The following RBPJ variants were observed in gnomAD, a reference collection of about 807,000 sequenced individuals.
RBPJ encodes recombining binding protein suppressor of hairless.
Under a neutral mutation model 67.8 loss-of-function variants are expected in RBPJ, and 9 were observed. That is an observed-to-expected ratio of 0.13 (90% CI 0.08 to 0.23). The LOEUF is 0.23. Ranked by LOEUF, RBPJ falls within the 10% of genes least tolerant of loss-of-function variation. The pLI is 1.00. For synonymous variants in RBPJ, 198 were observed against 203.3 expected (o/e 0.97, Z 0.22); for missense variants, 305 against 595.6 (o/e 0.51, Z 5.08).
chr4:26,309,406 C>T (rs367559145), intron 1 of RBPJ, among the ~76,000 whole-genome samples: 33 of 152,270 alleles, frequency 2.2e-4, no homozygotes, highest in East Asian at 9.6e-4. Context: ...CAAAACTGAA[C>T]ATGGGTATGG....
At chr4:26,330,646 C>T (rs902919206) in intron 1 of RBPJ, among the ~76,000 whole-genome samples, 2 of 152,310 alleles carry the variant, frequency 1.3e-5, no homozygotes, top group Non-Finnish European at 2.9e-5. Context: ...GTGAACAAAG[C>T]ACATTTCCCC....
rs78840097 is a variant in RBPJ, at chr4:26,415,773, AC to A, written c.321+135del. 71,744 of 816,070 alleles carry A rather than the reference AC, an allele frequency of 0.088. 4,080 individuals carry two copies. The highest frequency in any genetic ancestry group is 0.25 in the East Asian group (9,428 of 37,090). 50.6% of individuals were successfully genotyped at this position (816,070 alleles called of 1,614,324 possible). Reference sequence around the variant, plus strand: ...CAATTTCTTGAATATATAAACTAGGACCAAAAAACATGCCTCTCATAGCTTT... The same window carrying A: ...CAATTTCTTGAATATATAAACTAGGACAAAAAACATGCCTCTCATAGCTTT... On this transcript the variant is annotated intron_variant, in intron 4 of 10. Coordinates refer to ENST00000355476, the MANE Select transcript of RBPJ (RefSeq NM_015874.6).
intron 1 of RBPJ, among the ~76,000 whole-genome samples, chr4:26,283,053 C>A (rs1029963327): frequency 2.0e-5 from 3 of 148,978 alleles, no homozygotes; most frequent in Non-Finnish European, 4.5e-5. Flanking sequence ...GCCTCAGCCT[C>A]CCAAGTAGCT....
At chr4:26,131,072 T>C in the RBPJ span, among the ~76,000 whole-genome samples, 3 of 152,200 alleles carry the variant, frequency 2.0e-5, no homozygotes, top group Non-Finnish European at 2.9e-5. Context: ...CAAGCTACGG[T>C]CTAGTCTTCA....
At chr4:26,135,000 G>A in the RBPJ span, among the ~76,000 whole-genome samples, 1 of 152,108 alleles carries the variant, frequency 6.6e-6, no homozygotes, top group African/African-American at 2.4e-5. Context: ...TGCAGCTCGG[G>A]GGCTCACCTT....
At chr4:26,150,285 A>T in the RBPJ span, among the ~76,000 whole-genome samples, 1 of 152,200 alleles carries the variant, frequency 6.6e-6, no homozygotes, top group African/African-American at 2.4e-5. Flanking sequence ...CATCAGATGC[A>T]TCCTACAGAT....
chr4:26,144,917 T>G, the RBPJ span, among the ~76,000 whole-genome samples: 1 of 152,218 alleles, frequency 6.6e-6, no homozygotes, highest in Admixed American at 6.5e-5. Flanking sequence ...TATGTCACTG[T>G]GCCTTGCAGA....
the RBPJ span, among the ~76,000 whole-genome samples, chr4:26,149,536 TC>T: frequency 6.6e-6 from 1 of 152,240 alleles, no homozygotes; most frequent in Non-Finnish European, 1.5e-5. Context: ...GGAAGTGGGA[TC>T]CTTAAGAGGT....
intron 4 of RBPJ, among the ~76,000 whole-genome samples, chr4:26,417,457 T>C (rs1338910142): frequency 2.0e-5 from 3 of 152,162 alleles, no homozygotes; most frequent in Non-Finnish European, 4.4e-5. Context: ...AGAAGAGGAA[T>C]AGAATACCTG....
intron 1 of RBPJ, among the ~76,000 whole-genome samples, chr4:26,293,170 C>T (rs1269738935): frequency 6.6e-6 from 1 of 150,532 alleles, no homozygotes; most frequent in East Asian, 2.0e-4. Flanking sequence ...ACCCAGGTTC[C>T]TCCTCAGGCC....
intron 1 of RBPJ, among the ~76,000 whole-genome samples, chr4:26,257,632 A>G (rs1247334565): frequency 1.3e-5 from 2 of 152,232 alleles, no homozygotes; most frequent in Non-Finnish European, 2.9e-5. Flanking sequence ...TCTGTCTCAA[A>G]AAAAGAGAAG....
intron 1 of RBPJ, among the ~76,000 whole-genome samples, chr4:26,297,334 TTGTGTG>T (rs3065203): frequency 2.0e-5 from 3 of 146,696 alleles, no homozygotes; most frequent in African/African-American, 5.1e-5. Context: ...AAAAATCACT[TTGTGTG>T]TGTGTGTGTG....
the RBPJ span, among the ~76,000 whole-genome samples, chr4:26,115,436 G>A: frequency 6.6e-6 from 1 of 151,912 alleles, no homozygotes; most frequent in Admixed American, 6.6e-5. Flanking sequence ...CCAGGCTGGA[G>A]TGCAGTGGCG....
intron 7 of RBPJ, among the ~76,000 whole-genome samples, chr4:26,427,613 G>A (rs995623936): frequency 6.6e-6 from 1 of 152,150 alleles, no homozygotes. Flanking sequence ...AATGAGGACA[G>A]AAAAGTGCCG....
At chr4:26,347,304 T>C (rs892629414) in intron 1 of RBPJ, among the ~76,000 whole-genome samples, 1 of 152,146 alleles carries the variant, frequency 6.6e-6, no homozygotes, top group African/African-American at 2.4e-5. Context: ...AATTAGAACC[T>C]TGGGAGTGGG....
rs80311404 is a variant in RBPJ at position 26,213,939 on chromosome 4, T to C, written c.-167+50325T>C. 8.9e-3 allele frequency among the ~76,000 whole-genome samples: 1,356 copies of C among 151,958 alleles called. 14 individuals are homozygous for C. Among genetic ancestry groups the C allele is most frequent in the African/African-American group, 0.031 (1,295 of 41,426 alleles). ...ATAAGGGTGATGGCAAAGGGGAAAATAAGGGTGTGGCTCAAGTCAAGTCTT... is the reference window on the plus strand; with the variant it reads ...ATAAGGGTGATGGCAAAGGGGAAAACAAGGGTGTGGCTCAAGTCAAGTCTT... On this transcript the variant is annotated intron_variant, in intron 1 of 4. Transcript: ENST00000512351.
chr4:26,305,096 G>A (rs549859148), intron 1 of RBPJ, among the ~76,000 whole-genome samples: 3 of 152,132 alleles, frequency 2.0e-5, no homozygotes, highest in African/African-American at 4.8e-5. Flanking sequence ...TGCAAAGACT[G>A]TTCCTTTTCC....
chr4:26,132,088 GA>G, the RBPJ span, among the ~76,000 whole-genome samples: 44 of 152,038 alleles, frequency 2.9e-4, no homozygotes, highest in Non-Finnish European at 8.8e-5. Context: ...ATCAGTGACG[GA>G]AACTGGGCCA....
the RBPJ span, among the ~76,000 whole-genome samples, chr4:26,151,888 T>C: frequency 6.6e-6 from 1 of 152,222 alleles, no homozygotes; most frequent in Non-Finnish European, 1.5e-5. Flanking sequence ...GCCAATTCAG[T>C]GAGCAACTCA....
Sources: gnomAD v4.1 joint callset for allele counts (sites outside exome capture counted in the v4.1 genomes callset) on GRCh38, gnomAD v4.1.1 for gene constraint, MANE v1.5 for transcripts, NCBI Gene and HGNC (gene_info 2026-07-23, HGNC 2026-07-21) for gene names.